The following XRN1 variants were observed in gnomAD, a reference collection of about 807,000 sequenced individuals.
XRN1 encodes strand-exchange protein 1 homolog.
A neutral mutation model predicts 222.3 loss-of-function variants in XRN1; 67 were observed. That is an observed-to-expected ratio of 0.30 (90% confidence interval 0.25 to 0.37). XRN1 has a LOEUF of 0.37. Ranked by LOEUF, XRN1 falls within the 10% of genes least tolerant of loss-of-function variation. The probability of loss-of-function intolerance (pLI) is 1.00; values close to 1 mark genes in which losing one functional copy is unlikely to be tolerated. For synonymous variants in XRN1, 643 were observed against 652.4 expected, an observed-to-expected ratio of 0.99 and a Z score of 0.22; for missense variants, 1,707 against 2,000.2, an observed-to-expected ratio of 0.85 and a Z score of 2.80.
intron 36 of XRN1, among the ~76,000 whole-genome samples, chr3:142,330,856 G>A (rs1048891892): frequency 1.3e-5 from 2 of 152,042 alleles, no homozygotes; most frequent in African/African-American, 2.4e-5. Context: ...GCCCAGGCTC[G>A]AGTGTGATGG....
At chr3:142,432,283 G>A (rs936467639) in intron 2 of XRN1, among the ~76,000 whole-genome samples, 2 of 129,062 alleles carry the variant, frequency 1.5e-5, no homozygotes, top group Admixed American at 7.9e-5. Flanking sequence ...AGCTGGGTCC[G>A]GTGGCGCTTG....
intron 13 of XRN1, among the ~76,000 whole-genome samples, chr3:142,416,216 G>A (rs2108082166): frequency 6.6e-6 from 1 of 152,158 alleles, no homozygotes; most frequent in East Asian, 1.9e-4. Flanking sequence ...TTGTTCTGCT[G>A]CCCAAGCTGG....
intron 30 of XRN1, among the ~76,000 whole-genome samples, chr3:142,358,202 C>T (rs1321626272): frequency 6.6e-6 from 1 of 152,130 alleles, no homozygotes; most frequent in Non-Finnish European, 1.5e-5. Context: ...GTCTATCGGT[C>T]AAATGTGGAG....
intron 13 of XRN1, among the ~76,000 whole-genome samples, chr3:142,416,525 C>CA (rs2068795201): frequency 6.6e-6 from 1 of 152,040 alleles, no homozygotes; most frequent in African/African-American, 2.4e-5. Context: ...TTAGCAAACA[C>CA]AAAAAATGTA....
chr3:142,384,479 AAT>A, intron 21 of XRN1, 42 bp downstream of exon 21: 11 of 1,504,262 alleles, frequency 7.3e-6, no homozygotes, highest in Non-Finnish European at 9.1e-6. Flanking sequence ...ATAGTGTATT[AAT>A]AGTGTATATT....
chr3:142,431,912 A>ATAT (rs1491093935), intron 2 of XRN1, among the ~76,000 whole-genome samples: 10 of 41,364 alleles, frequency 2.4e-4, no homozygotes, highest in African/African-American at 8.3e-4. Flanking sequence ...TTATATATAT[A>ATAT]AATATATATA....
chr3:142,395,362 C>T (rs550061474), intron 20 of XRN1, among the ~76,000 whole-genome samples: 39 of 152,308 alleles, frequency 2.6e-4, no homozygotes, highest in Non-Finnish European at 1.2e-4. Flanking sequence ...CCAACTTGGT[C>T]GACAAGGTTA....
intron 1 of XRN1, among the ~76,000 whole-genome samples, chr3:142,441,130 A>G (rs1459340891): frequency 6.6e-6 from 1 of 152,228 alleles, no homozygotes; most frequent in Non-Finnish European, 1.5e-5. Flanking sequence ...ACTTAGGGCT[A>G]AAATTATCCA....
chr3:142,324,777 T>C (rs2065469042), intron 37 of XRN1, among the ~76,000 whole-genome samples: 4 of 152,044 alleles, frequency 2.6e-5, no homozygotes, highest in African/African-American at 9.7e-5. Context: ...GACTTTTTAA[T>C]GATCACCATT....
At chr3:142,350,664 G>A (rs1271202153) in intron 32 of XRN1, among the ~76,000 whole-genome samples, 2 of 152,214 alleles carry the variant, frequency 1.3e-5, no homozygotes, top group African/African-American at 4.8e-5. Flanking sequence ...TATGAATTTG[G>A]AGTAGGGTAG....
At chr3:142,324,769 C>T (rs1011287508) in intron 37 of XRN1, among the ~76,000 whole-genome samples, 12 of 151,952 alleles carry the variant, frequency 7.9e-5, no homozygotes, top group African/African-American at 2.9e-4. Flanking sequence ...TGTTTCCTGA[C>T]TTTTTAATGA....
chr3:142,389,207 T>C (rs1379558412), intron 20 of XRN1, among the ~76,000 whole-genome samples: 1 of 152,190 alleles, frequency 6.6e-6, no homozygotes, highest in Non-Finnish European at 1.5e-5. Flanking sequence ...AGCGAGACTC[T>C]GTCTCAAAAC....
rs576063225 is a variant in XRN1 at position 142,324,117 on chromosome 3, A to G, written c.4405-5214T>C. ...TTTTATTATTTTTATTTTTTTTACT[A>G]TAAGTTTTAGGGTACATGTGCACAA... On this transcript the variant is annotated intron_variant, in intron 37 of 40. Coordinates refer to ENST00000392981, the MANE Select transcript of XRN1 (RefSeq NM_001282857.2). 2.9e-3 allele frequency among the ~76,000 whole-genome samples: 427 copies of G among 148,242 alleles called. 1 individual carries two copies. The highest frequency in any genetic ancestry group is 4.0e-3 in the Non-Finnish European group (267 of 66,944).
At chr3:142,316,074 T>C (rs1390689696) in intron 39 of XRN1, among the ~76,000 whole-genome samples, 2 of 152,154 alleles carry the variant, frequency 1.3e-5, no homozygotes, top group Non-Finnish European at 2.9e-5. Context: ...TGTTATCTAT[T>C]TGTGGTATGT....
intron 2 of XRN1, among the ~76,000 whole-genome samples, chr3:142,431,912 A>AT (rs1491093935): frequency 0.23 from 8,925 of 38,704 alleles, 1,196 homozygotes; most frequent in African/African-American, 0.43. Flanking sequence ...TTATATATAT[A>AT]AATATATATA....
chr3:142,416,877 T>C (rs1169866289), intron 13 of XRN1, among the ~76,000 whole-genome samples: 1 of 151,636 alleles, frequency 6.6e-6, no homozygotes, highest in Non-Finnish European at 1.5e-5. Context: ...ACTAAAAATA[T>C]AAAAATTAGC....
intron 32 of XRN1, among the ~76,000 whole-genome samples, chr3:142,352,507 A>ATTTATTTTACCATTTATG (rs1380605333): frequency 1.3e-5 from 2 of 152,018 alleles, no homozygotes; most frequent in Non-Finnish European, 2.9e-5. Flanking sequence ...TATTATTTAT[A>ATTTATTTTACCATTTATG]TTTATTTTAC....
rs373638984 is a variant in XRN1, at chr3:142,427,037, T to C, written c.309-196A>G. On this transcript the variant is annotated intron_variant, in intron 2 of 40. Coordinates refer to ENST00000392981, the MANE Select transcript of XRN1 (RefSeq NM_001282857.2). Reference sequence around the variant, plus strand: ...TGTCTGTTTTGTTTATTTAAAGAATTGAATTTTTCAGGCCAGGTGCAGTGG... The same window carrying C: ...TGTCTGTTTTGTTTATTTAAAGAATCGAATTTTTCAGGCCAGGTGCAGTGG... Among the ~76,000 whole-genome samples the C allele has an allele frequency of 1.6e-3, 246 of 152,318 alleles. 8 individuals carry two copies. In the South Asian group the frequency reaches 0.048, roughly 29 times the overall value.
At chr3:142,404,173 C>T (rs1471923552) in intron 16 of XRN1, among the ~76,000 whole-genome samples, 184 bp from the exon 17 acceptor site, 1 of 152,032 alleles carries the variant, frequency 6.6e-6, no homozygotes, top group African/African-American at 2.4e-5. Context: ...GGTCTAGACA[C>T]AATCATGCCT....
Sources: gnomAD v4.1 joint callset for allele counts (sites outside exome capture counted in the v4.1 genomes callset) on GRCh38, gnomAD v4.1.1 for gene constraint, MANE v1.5 for transcripts, NCBI Gene and HGNC (gene_info 2026-07-23, HGNC 2026-07-21) for gene names.